METTL4: variants seen among roughly 807,000 people sequenced by gnomAD.
The protein encoded by METTL4 is methyltransferase 4, N6-adenosine.
METTL4 carries 40 observed loss-of-function variants against 54.0 expected under a neutral mutation model. The ratio of observed to expected loss-of-function variants is 0.74; its 90% CI spans 0.58 to 0.96. METTL4 has a LOEUF of 0.96. Among genes scored for constraint, METTL4 ranks in the 50% least tolerant of loss-of-function variants. The pLI, the probability that METTL4 is intolerant of heterozygous loss-of-function variation, is 0.00. For missense variants in METTL4, 525 were observed against 549.0 expected (o/e 0.96, Z 0.44); for synonymous variants, 169 against 183.8 (o/e 0.92, Z 0.65).
Position 2,543,754 on chromosome 18 carries a change from C to T in METTL4, c.1273+441G>A, listed in dbSNP as rs540360599. ...CTGTCAATGTTCCAGAAAAGCAACA[C>T]TACCTTTAAAAAAACGTAAAACTGA... On this transcript the variant is annotated intron_variant, in intron 8 of 8. Coordinates refer to ENST00000574538, the MANE Select transcript of METTL4 (RefSeq NM_022840.5). Among the ~76,000 whole-genome samples the T allele has an allele frequency of 3.3e-5, 5 of 152,304 alleles. No individual in the cohort carries two copies. The East Asian group carries it at 9.6e-4, about 29-fold the overall frequency.
intron 5 of METTL4, among the ~76,000 whole-genome samples, chr18:2,548,983 C>T (rs1432621099): frequency 1.3e-4 from 20 of 152,140 alleles, no homozygotes; most frequent in Admixed American, 1.3e-3. Flanking sequence ...TCTTAAAGTA[C>T]TCATCAATTC....
At chr18:2,549,426 G>A (rs779533982) in intron 5 of METTL4, among the ~76,000 whole-genome samples, 74 of 152,170 alleles carry the variant, frequency 4.9e-4, no homozygotes, top group Non-Finnish European at 7.1e-4. Flanking sequence ...GAGGGGAGGA[G>A]AGGAGAAAGA....
At chr18:2,550,735 AAG>A (rs2072141006) in intron 5 of METTL4, among the ~76,000 whole-genome samples, 1 of 152,212 alleles carries the variant, frequency 6.6e-6, no homozygotes, top group Non-Finnish European at 1.5e-5. Context: ...CAGTCAAAGA[AAG>A]AGAGTCAAAA....
intron 8 of METTL4, chr18:2,539,848 A>G: frequency 1.2e-6 from 1 of 855,386 alleles, no homozygotes; most frequent in Non-Finnish European, 1.4e-6. Context: ...AAAACAACCC[A>G]TTTAAAAAAA....
chr18:2,547,251 T>TTGAAGGA, intron 6 of METTL4, 104 bp downstream of exon 6: 1 of 846,410 alleles, frequency 1.2e-6, no homozygotes, highest in Non-Finnish European at 1.7e-6. Context: ...TTAGCCCATG[T>TTGAAGGA]TGAAGGAGTA....
rs1354531952 is a variant in METTL4 at position 2,537,945 on chromosome 18, G to C, written c.*1055C>G. ...TTGACTGCAAAAGGAAAAATGAGAA[G>C]TTTTCAGGGTAAAGAAAGTGTTCTG... On this transcript the variant is annotated 3_prime_UTR_variant, in exon 9 of 9. Transcript: ENST00000574538. The C allele has an allele frequency of 1.5e-5, 6 of 398,368 alleles. No individual in the cohort carries two copies. The highest frequency in any genetic ancestry group is 2.7e-5 in the Non-Finnish European group (6 of 226,008). The allele number at this position is 398,368 out of a possible 1,614,324, so 24.7% of individuals were successfully genotyped here.
intron 2 of METTL4, among the ~76,000 whole-genome samples, chr18:2,566,127 A>T (rs959654348): frequency 6.6e-6 from 1 of 151,460 alleles, no homozygotes; most frequent in Non-Finnish European, 1.5e-5. Context: ...TAAAAAAGAC[A>T]ATGCTGATAT....
At chr18:2,564,174 C>T (rs973533726) in intron 2 of METTL4, among the ~76,000 whole-genome samples, 7 of 151,404 alleles carry the variant, frequency 4.6e-5, no homozygotes, top group Admixed American at 2.0e-4. Flanking sequence ...GAGGCCAAGG[C>T]GGGAGGATCA....
In METTL4 at chr18:2,555,257, T is replaced by G. The variant is rs1598350386; in HGVS notation, c.460-219A>C. The G allele has an allele frequency of 7.3e-6, 4 of 547,768 alleles. No individual in the cohort carries two copies. The East Asian group carries it at 1.3e-4, about 17-fold the overall frequency. The allele number at this position is 547,768 out of a possible 1,614,324, so 33.9% of individuals were successfully genotyped here. A position where few individuals can be genotyped will look rare whatever the true frequency, so the allele number is the denominator to read the frequency against. On this transcript the variant is annotated intron_variant, in intron 3 of 8. Coordinates refer to ENST00000574538, the MANE Select transcript of METTL4 (RefSeq NM_022840.5). ...CCTCACAAATTCACTGACAACTAAA[T>G]AACCAAATACATGTAAGAAAATATA...
At chr18:2,542,368 C>G (rs1244469760) in intron 8 of METTL4, among the ~76,000 whole-genome samples, 1 of 135,012 alleles carries the variant, frequency 7.4e-6, no homozygotes, top group Non-Finnish European at 1.6e-5. Context: ...CCCCCCACCC[C>G]ACAACAGTCC....
chr18:2,541,766 T>C (rs1326313820), intron 8 of METTL4, among the ~76,000 whole-genome samples: 1 of 151,290 alleles, frequency 6.6e-6, no homozygotes, highest in African/African-American at 2.4e-5. Flanking sequence ...AATCAGGGTG[T>C]TTCTAAATAC....
At chr18:2,552,658 G>T in intron 5 of METTL4, 37 bp downstream of exon 5, 5 of 1,453,724 alleles carry the variant, frequency 3.4e-6, no homozygotes, top group South Asian at 1.2e-5. Flanking sequence ...AAGGACTACA[G>T]TTTTTTTAGA....
chr18:2,548,964 T>C (rs894532657), intron 5 of METTL4, among the ~76,000 whole-genome samples: 2 of 152,222 alleles, frequency 1.3e-5, no homozygotes, highest in African/African-American at 4.8e-5. Flanking sequence ...ATAAAATCCA[T>C]TATCAGGATC....
intron 4 of METTL4, chr18:2,553,222 A>C (rs1368223439): frequency 6.6e-6 from 1 of 152,486 alleles, no homozygotes; most frequent in East Asian, 1.9e-4. Flanking sequence ...GCCAGGATCA[A>C]ACATTGCATT....
intron 3 of METTL4, among the ~76,000 whole-genome samples, chr18:2,556,437 T>A (rs1047881000): frequency 2.0e-5 from 3 of 151,874 alleles, no homozygotes; most frequent in African/African-American, 7.3e-5. Flanking sequence ...TAAACAAATA[T>A]GAAAATATGA....
At chr18:2,569,166 T>G (rs2072465228) in intron 1 of METTL4, 1 of 152,998 alleles carries the variant, frequency 6.5e-6, no homozygotes, top group South Asian at 2.1e-4. Context: ...ACCCATTCAA[T>G]TTAAGCAGTC....
At chr18:2,541,863 T>C (rs1019938327) in intron 8 of METTL4, among the ~76,000 whole-genome samples, 3 of 152,144 alleles carry the variant, frequency 2.0e-5, no homozygotes, top group Non-Finnish European at 4.4e-5. Context: ...ATATACAGAA[T>C]ATATATCATC....
rs139929127 is a variant in METTL4, at chr18:2,545,465, A to G, written c.1075-706T>C. ...TAAGGATAGAAAGTGGGTGGTTGAT[A>G]GACAATACCTAGTCCAGAGACTGGC... On this transcript the variant is annotated intron_variant, in intron 6 of 8. Coordinates refer to ENST00000574538, the MANE Select transcript of METTL4 (RefSeq NM_022840.5). Among the ~76,000 whole-genome samples, 74 of 152,278 alleles carry G rather than the reference A, an allele frequency of 4.9e-4. No individual in the cohort carries two copies. In the East Asian group the frequency reaches 0.013, roughly 27 times the overall value.
chr18:2,554,599 G>A, intron 4 of METTL4, 70 bp downstream of exon 4: 1 of 1,420,566 alleles, frequency 7.0e-7, no homozygotes, highest in Non-Finnish European at 9.7e-7. Context: ...TCAAATTTCA[G>A]ACTAGCTCTT....
Sources: allele counts gnomAD v4.1 joint callset (sites outside exome capture counted in the v4.1 genomes callset), GRCh38; gene constraint gnomAD v4.1.1; transcripts MANE v1.5; gene names NCBI Gene and HGNC (gene_info 2026-07-23, HGNC 2026-07-21).